The following FGF12 variants were observed in gnomAD, a reference collection of about 807,000 sequenced individuals.
The protein encoded by FGF12 is fibroblast growth factor 12.
FGF12 carries 14 observed loss-of-function variants against 23.6 expected under a neutral mutation model. That is an observed-to-expected ratio of 0.59 (90% CI 0.39 to 0.93). The LOEUF is 0.93. Ranked by LOEUF, FGF12 falls within the 40% of genes least tolerant of loss-of-function variation. FGF12 has a pLI of 0.00. For missense variants in FGF12, 175 were observed against 217.8 expected, an observed-to-expected ratio of 0.80 and a Z score of 1.24; for synonymous variants, 62 against 77.3, an observed-to-expected ratio of 0.80 and a Z score of 1.04.
rs535450373 is a variant in FGF12 at position 192,579,043 on chromosome 3, T to C, written c.13+148138A>G. ...ACTCCTTTAAGTTTATAATTTCTTT[T>C]TCTCTTTTCTTTTAATGATTTTCAC... On this transcript the variant is annotated intron_variant, in intron 2 of 5. Transcript: ENST00000445105. 2.0e-5 allele frequency among the ~76,000 whole-genome samples: 3 copies of C among 152,356 alleles called. No homozygotes were observed. The South Asian group carries it at 6.2e-4, about 32-fold the overall frequency.
chr3:192,662,420 T>G (rs906474136), intron 2 of FGF12, among the ~76,000 whole-genome samples: 2 of 152,204 alleles, frequency 1.3e-5, no homozygotes, highest in Non-Finnish European at 2.9e-5. Flanking sequence ...ATAACCATAT[T>G]AGCCATCTCA....
chr3:192,511,700 A>T (rs1016510609), intron 2 of FGF12, among the ~76,000 whole-genome samples: 4 of 150,834 alleles, frequency 2.7e-5, no homozygotes, highest in Non-Finnish European at 4.4e-5. Context: ...TTACATGCTT[A>T]AAAAAATTCA....
chr3:192,585,535 C>T (rs1713335848), intron 2 of FGF12, among the ~76,000 whole-genome samples: 1 of 152,050 alleles, frequency 6.6e-6, no homozygotes, highest in Non-Finnish European at 1.5e-5. Flanking sequence ...CTTCTAGACA[C>T]CTAACAAGCT....
intron 2 of FGF12, among the ~76,000 whole-genome samples, chr3:192,631,390 G>A (rs1026203205): frequency 4.6e-5 from 7 of 152,150 alleles, no homozygotes; most frequent in African/African-American, 1.4e-4. Flanking sequence ...ATCCAGTATA[G>A]CACTCCTGGC....
At chr3:192,683,743 G>A (rs1448164857) in intron 2 of FGF12, among the ~76,000 whole-genome samples, 1 of 152,114 alleles carries the variant, frequency 6.6e-6, no homozygotes, top group Non-Finnish European at 1.5e-5. Flanking sequence ...TCACTCTCAA[G>A]CAATTCAAAT....
At chr3:192,406,273 C>T (rs1341579228) in intron 2 of FGF12, among the ~76,000 whole-genome samples, 1 of 151,416 alleles carries the variant, frequency 6.6e-6, no homozygotes, top group Non-Finnish European at 1.5e-5. Context: ...TTTATGTTAC[C>T]CGTTCACATA....
At chr3:192,655,121 T>TA (rs1274640010) in intron 2 of FGF12, among the ~76,000 whole-genome samples, 1 of 152,134 alleles carries the variant, frequency 6.6e-6, no homozygotes, top group Non-Finnish European at 1.5e-5. Context: ...ATATGGTGTA[T>TA]AAAACATCGA....
chr3:192,158,324 C>CTTTCTT (rs1553844015), intron 5 of FGF12, among the ~76,000 whole-genome samples: 1,495 of 122,428 alleles, frequency 0.012, 49 homozygotes, highest in African/African-American at 0.049. Flanking sequence ...CTCTTTCTTT[C>CTTTCTT]TTTCTTTCTC....
chr3:192,476,170 C>T (rs1456177170), intron 2 of FGF12, among the ~76,000 whole-genome samples: 4 of 152,130 alleles, frequency 2.6e-5, no homozygotes, highest in African/African-American at 9.6e-5. Flanking sequence ...CATGTGAGCT[C>T]TATATTTTAA....
At position 192,567,793 on chromosome 3, in the gene FGF12, C is replaced by CTTTCTTTCTTTCTTTCT. The variant is rs1553831696; in HGVS notation, c.13+159387_13+159388insAGAAAGAAAGAAAGAAA. Among the ~76,000 whole-genome samples, 805 of 129,748 alleles carry CTTTCTTTCTTTCTTTCT rather than the reference C, an allele frequency of 6.2e-3. 11 individuals carry two copies. The highest frequency in any genetic ancestry group is 8.9e-3 in the Non-Finnish European group (519 of 58,450). 85.1% of individuals were successfully genotyped at this position (129,748 alleles called of 152,430 possible). On this transcript the variant is annotated intron_variant, in intron 2 of 5. Transcript: ENST00000445105. Reference sequence around the variant, plus strand: ...TCTTTCTTTCTTTCTTTCTTTCTTTCTTTCTTTCTCTTTCTTTCTTTCTCT... The same window carrying CTTTCTTTCTTTCTTTCT: ...TCTTTCTTTCTTTCTTTCTTTCTTTCTTTCTTTCTTTCTTTCTTTTCTTTCTCTTTCTTTCTTTCTCT...
chr3:192,679,946 C>T (rs1424843380), intron 2 of FGF12, among the ~76,000 whole-genome samples: 1 of 152,116 alleles, frequency 6.6e-6, no homozygotes, highest in African/African-American at 2.4e-5. Flanking sequence ...TCCCTGACAC[C>T]AGGTGTATGC....
intron 4 of FGF12, among the ~76,000 whole-genome samples, chr3:192,247,021 G>GA: frequency 7.3e-6 from 1 of 137,502 alleles, no homozygotes; most frequent in Non-Finnish European, 1.6e-5. Flanking sequence ...GGAAGGGAGG[G>GA]AGGGAAGGAA....
chr3:192,518,227 C>T (rs1271946711), intron 2 of FGF12, among the ~76,000 whole-genome samples: 2 of 152,176 alleles, frequency 1.3e-5, no homozygotes, highest in East Asian at 1.9e-4. Context: ...ACTTAGACAT[C>T]TTGGACAAAT....
intron 4 of FGF12, among the ~76,000 whole-genome samples, chr3:192,309,572 T>C (rs1486997689): frequency 6.6e-6 from 1 of 152,110 alleles, no homozygotes; most frequent in East Asian, 1.9e-4. Context: ...AGCAGAAAGC[T>C]ATGGAAGAAT....
At chr3:192,170,136 C>CTTT (rs5855410) in intron 5 of FGF12, among the ~76,000 whole-genome samples, 2 of 127,620 alleles carry the variant, frequency 1.6e-5, no homozygotes, top group Admixed American at 8.4e-5. Context: ...TAGAATTTTC[C>CTTT]TTTTTTTTTT....
chr3:192,404,892 C>T (rs55857108), intron 2 of FGF12, among the ~76,000 whole-genome samples: 2 of 152,278 alleles, frequency 1.3e-5, no homozygotes, highest in African/African-American at 4.8e-5. Context: ...TTCTACTCTA[C>T]CCTATCTCTG....
intron 4 of FGF12, among the ~76,000 whole-genome samples, chr3:192,237,793 C>A (rs1422829485): frequency 6.6e-6 from 1 of 152,142 alleles, no homozygotes; most frequent in Non-Finnish European, 1.5e-5. Flanking sequence ...TATGTGGTTC[C>A]TTGTCATTCA....
chr3:192,305,920 G>A (rs537928441), intron 4 of FGF12, among the ~76,000 whole-genome samples: 1 of 137,098 alleles, frequency 7.3e-6, no homozygotes, highest in South Asian at 2.5e-4. Context: ...GAGTGCAGTG[G>A]CATGATCTCA....
intron 2 of FGF12, among the ~76,000 whole-genome samples, chr3:192,429,039 T>C (rs1454635674): frequency 1.3e-5 from 2 of 152,096 alleles, no homozygotes; most frequent in East Asian, 3.9e-4. Context: ...AGATCATGAA[T>C]TTATTTTGGG....
Sources: allele counts gnomAD v4.1 joint callset (sites outside exome capture counted in the v4.1 genomes callset), GRCh38; gene constraint gnomAD v4.1.1; transcripts MANE v1.5; gene names NCBI Gene and HGNC (gene_info 2026-07-23, HGNC 2026-07-21).